Variants in HERC1 observed in about 807,000 individuals in gnomAD.
The protein encoded by HERC1 is HECT and RLD domain containing E3 ubiquitin protein ligase family member 1, also known as probable E3 ubiquitin-protein ligase HERC1.
Under a neutral mutation model 554.3 loss-of-function variants are expected in HERC1, and 160 were observed. The observed-to-expected ratio is 0.29, with a 90% CI of 0.25 to 0.33. The LOEUF (loss-of-function observed/expected upper bound fraction) is 0.33. Among genes scored for constraint, HERC1 ranks in the 10% least tolerant of loss-of-function variants. HERC1 has a pLI of 1.00. For missense variants in HERC1, 4,919 were observed against 5,918.5 expected (o/e 0.83, Z 5.54); for synonymous variants, 2,175 against 2,131.7 (o/e 1.02, Z -0.56).
intron 17 of HERC1, among the ~76,000 whole-genome samples, chr15:63,725,984 C>T (rs971728702): frequency 1.4e-5 from 2 of 139,274 alleles, no homozygotes; most frequent in African/African-American, 5.3e-5. Flanking sequence ...TTCTGGGGGG[C>T]GGGGGTGGAG....
chr15:63,811,241 T>G (rs1239469154), intron 1 of HERC1, among the ~76,000 whole-genome samples: 2 of 152,188 alleles, frequency 1.3e-5, no homozygotes, highest in African/African-American at 4.8e-5. Flanking sequence ...GTGGTTAAGT[T>G]GGAGAATGTC....
At chr15:63,679,278 G>C (rs770097548) in intron 36 of HERC1, among the ~76,000 whole-genome samples, 1 of 152,158 alleles carries the variant, frequency 6.6e-6, no homozygotes, top group Admixed American at 6.6e-5. Flanking sequence ...AGTTTTGGTT[G>C]TCCTGGCTGT....
intron 24 of HERC1, among the ~76,000 whole-genome samples, chr15:63,711,937 C>A (rs1445310059): frequency 6.6e-6 from 1 of 152,186 alleles, no homozygotes; most frequent in Non-Finnish European, 1.5e-5. Context: ...CCAATTAACT[C>A]CAAGTCCAAA....
chr15:63,774,395 C>A (rs1327620658), intron 2 of HERC1, among the ~76,000 whole-genome samples: 4 of 152,174 alleles, frequency 2.6e-5, no homozygotes, highest in African/African-American at 9.6e-5. Flanking sequence ...TAGCCAAAAT[C>A]TCTAATTTTT....
intron 1 of HERC1, among the ~76,000 whole-genome samples, chr15:63,803,793 G>A (rs967416957): frequency 1.3e-5 from 2 of 152,200 alleles, no homozygotes; most frequent in Non-Finnish European, 2.9e-5. Flanking sequence ...GAAGGCAATG[G>A]ACTGAGAATA....
rs193124520 is a variant in HERC1, at chr15:63,725,480, G to A, written c.3380C>T (p.Pro1127Leu). Residue 1127 changes from proline (P) to leucine (L), a missense_variant, in exon 18 of 78, where the codon CCA becomes CTA. By Grantham distance (98) the Pro-to-Leu change is moderately conservative. Around this residue, in one of 11 missense-constraint regions of HERC1, gnomAD observed 1,121 missense variants for 1,244.0 expected, o/e 0.90. Transcript: ENST00000443617. ...GPELIDPAGL[P>L]LPQPAQSWVW... ...CCAGGACTGAGCTGGCTGAGGTAAT[G>A]GCAGACCAGCAGGATCAATTAGTTC... The A allele has an allele frequency of 1.2e-6, 2 of 1,613,750 alleles. No homozygotes were observed. The highest frequency in any genetic ancestry group is 1.3e-5 in the African/African-American group (1 of 74,884).
chr15:63,722,798 G>T (rs143331314), intron 19 of HERC1, among the ~76,000 whole-genome samples: 1 of 151,970 alleles, frequency 6.6e-6, no homozygotes, highest in Non-Finnish European at 1.5e-5. Flanking sequence ...CTTTACCATG[G>T]GCAAGTATGT....
chr15:63,805,311 C>T (rs2077104103), intron 1 of HERC1, among the ~76,000 whole-genome samples: 1 of 152,002 alleles, frequency 6.6e-6, no homozygotes, highest in African/African-American at 2.4e-5. Context: ...GAATAATAAG[C>T]ATTATTATTC....
chr15:63,783,839 G>A (rs760149660), intron 1 of HERC1, among the ~76,000 whole-genome samples: 6 of 152,020 alleles, frequency 3.9e-5, no homozygotes, highest in African/African-American at 9.7e-5. Flanking sequence ...AGGCTGAAGC[G>A]GGCAGATCTC....
chr15:63,615,921 C>G lies in HERC1; in HGVS notation c.13942-1G>C. 1 of 1,583,836 alleles carries G rather than the reference C, an allele frequency of 6.3e-7. No individual in the cohort carries two copies. The highest frequency in any genetic ancestry group is 8.6e-7 in the Non-Finnish European group (1 of 1,168,162). The stretch of plus-strand genomic sequence containing the variant: ...CAACAAAAGAATCAAGAGGAATCAT[C>G]TAGGAACAGAAGAAAACAGAATTTT... On this transcript the variant is annotated splice_acceptor_variant, in intron 75 of 77. Coordinates refer to ENST00000443617, the MANE Select transcript of HERC1 (RefSeq NM_003922.4). LOFTEE classifies it high-confidence loss of function.
At chr15:63,647,962 G>T in intron 55 of HERC1, 107 bp downstream of exon 55, 2 of 848,124 alleles carry the variant, frequency 2.4e-6, no homozygotes, top group Non-Finnish European at 3.7e-6. Context: ...TATGTCATTT[G>T]GGTGATGGAT....
chr15:63,778,414 G>A (rs76535505), intron 1 of HERC1, among the ~76,000 whole-genome samples: 4,710 of 152,238 alleles, frequency 0.031, 236 homozygotes, highest in African/African-American at 0.11. Flanking sequence ...CAGAAGGCAC[G>A]GTTTAAGACA....
rs574366568 is a variant in HERC1 at position 63,758,020 on chromosome 15, T to G, written c.1221+155A>C. Among the ~76,000 whole-genome samples the G allele has an allele frequency of 5.7e-4, 87 of 152,298 alleles. No individual in the cohort carries two copies. Among genetic ancestry groups the G allele is most frequent in the African/African-American group, 2.1e-3 (86 of 41,558 alleles). On this transcript the variant is annotated intron_variant, in intron 4 of 77. Coordinates refer to ENST00000443617, the MANE Select transcript of HERC1 (RefSeq NM_003922.4). The surrounding 1 kb of genome is among the most constrained non-coding windows in gnomAD (Gnocchi z 4.0). ...ACTGCGCCCAGCAAAAATTTATTTTTCTATTAAAATGAAAAAAACTAATGC... is the reference window on the plus strand; with the variant it reads ...ACTGCGCCCAGCAAAAATTTATTTTGCTATTAAAATGAAAAAAACTAATGC...
intron 1 of HERC1, among the ~76,000 whole-genome samples, chr15:63,786,999 G>A (rs1388613858): frequency 1.4e-5 from 2 of 146,426 alleles, no homozygotes; most frequent in African/African-American, 2.5e-5. Context: ...GTCTCACCAT[G>A]CCCAGCTAAT....
intron 1 of HERC1, among the ~76,000 whole-genome samples, chr15:63,821,805 T>C (rs1043191579): frequency 2.6e-5 from 4 of 151,794 alleles, no homozygotes; most frequent in Non-Finnish European, 4.4e-5. Flanking sequence ...CCTGGAGTTG[T>C]ACTCCTAGTT....
chr15:63,662,417 T>G (rs915390717), intron 44 of HERC1, among the ~76,000 whole-genome samples: 1 of 152,226 alleles, frequency 6.6e-6, no homozygotes, highest in Non-Finnish European at 1.5e-5. Context: ...ATTCACTTAT[T>G]TATATAGCAG....
rs80145154 is a variant in HERC1, at chr15:63,615,124, C to T, written c.14094+644G>A. 2.7e-3 allele frequency among the ~76,000 whole-genome samples: 417 copies of T among 152,182 alleles called. 2 individuals carry two copies. Among genetic ancestry groups the T allele is most frequent in the African/African-American group, 8.4e-3 (350 of 41,510 alleles). On this transcript the variant is annotated intron_variant, in intron 76 of 77. Coordinates refer to ENST00000443617, the MANE Select transcript of HERC1 (RefSeq NM_003922.4). ...CTGACTAACCCAACTAGAGTGGAGA[C>T]GCTGAGCTGGGAAGCAGTAAGACAT...
chr15:63,681,122 C>T (rs2071454430), intron 34 of HERC1, among the ~76,000 whole-genome samples: 1 of 152,170 alleles, frequency 6.6e-6, no homozygotes, highest in African/African-American at 2.4e-5. Context: ...TACTCTCTTG[C>T]ATATACCTCT....
intron 1 of HERC1, among the ~76,000 whole-genome samples, chr15:63,797,727 A>G (rs2076855176): frequency 6.6e-6 from 1 of 152,208 alleles, no homozygotes; most frequent in South Asian, 2.1e-4. Flanking sequence ...CTGTTAATTG[A>G]TTTTGTCTGC....
Sources: allele counts gnomAD v4.1 joint callset (sites outside exome capture counted in the v4.1 genomes callset), GRCh38; gene constraint gnomAD v4.1.1; regional missense constraint gnomAD v4.1.1; non-coding constraint Gnocchi (gnomAD v3.1); transcripts MANE v1.5; gene names NCBI Gene and HGNC (gene_info 2026-07-23, HGNC 2026-07-21).